The following FRMD5 variants were observed in gnomAD, a reference collection of about 807,000 sequenced individuals.
FRMD5 encodes FERM domain-containing protein 5.
FRMD5 carries 20 observed loss-of-function variants against 69.0 expected under a neutral mutation model. The ratio of observed to expected loss-of-function variants is 0.29; its 90% CI spans 0.20 to 0.42. FRMD5 has a LOEUF of 0.42. FRMD5 is among the 10% of genes least tolerant of loss of function. The probability of loss-of-function intolerance (pLI) is 1.00; values close to 1 mark genes in which losing one functional copy is unlikely to be tolerated. For synonymous variants in FRMD5, 271 were observed against 260.1 expected (o/e 1.04, Z -0.40); for missense variants, 595 against 708.6 (o/e 0.84, Z 1.82).
chr15:44,057,620 A>T (rs2140367500), intron 1 of FRMD5, among the ~76,000 whole-genome samples: 1 of 152,334 alleles, frequency 6.6e-6, no homozygotes, highest in African/African-American at 2.4e-5. Flanking sequence ...AGCTTCACTT[A>T]ATTTCCAGTC....
chr15:44,055,369 TTTGAG>T (rs1013171193), intron 1 of FRMD5, among the ~76,000 whole-genome samples: 1 of 152,190 alleles, frequency 6.6e-6, no homozygotes, highest in African/African-American at 2.4e-5. Flanking sequence ...TATAACTTGA[TTTGAG>T]TTTAGATAGT....
At chr15:44,171,808 G>A (rs1457786812) in intron 1 of FRMD5, among the ~76,000 whole-genome samples, 1 of 152,180 alleles carries the variant, frequency 6.6e-6, no homozygotes, top group Non-Finnish European at 1.5e-5. Flanking sequence ...CTGTCACTCA[G>A]GCTGGAGCAC....
intron 1 of FRMD5, among the ~76,000 whole-genome samples, chr15:43,966,537 A>G (rs2090297996): frequency 6.6e-6 from 1 of 152,194 alleles, no homozygotes; most frequent in African/African-American, 2.4e-5. Context: ...AAGAAAAGGG[A>G]GAGATTACAT....
At chr15:44,104,882 C>T (rs139538770) in intron 1 of FRMD5, among the ~76,000 whole-genome samples, 84 of 152,110 alleles carry the variant, frequency 5.5e-4, no homozygotes, top group African/African-American at 1.6e-3. Flanking sequence ...ATAACGTTTT[C>T]GAGGCTCATC....
intron 1 of FRMD5, chr15:43,988,985 T>C: frequency 4.3e-6 from 3 of 696,076 alleles, no homozygotes; most frequent in Non-Finnish European, 7.9e-6. Flanking sequence ...AACAAAGTCA[T>C]GCCAATCTCA....
At chr15:43,934,972 G>A (rs891917530) in intron 1 of FRMD5, among the ~76,000 whole-genome samples, 1 of 152,198 alleles carries the variant, frequency 6.6e-6, no homozygotes, top group African/African-American at 2.4e-5. Context: ...GAAGGGATAG[G>A]AACTGACAGA....
At chr15:44,149,894 G>A (rs2077416012) in intron 1 of FRMD5, among the ~76,000 whole-genome samples, 1 of 152,064 alleles carries the variant, frequency 6.6e-6, no homozygotes, top group African/African-American at 2.4e-5. Flanking sequence ...ATGCAAAATT[G>A]ATGCAAAAAT....
intron 11 of FRMD5, 27 bp downstream of exon 11, chr15:43,885,654 T>C (rs1219926558): frequency 8.3e-6 from 13 of 1,570,534 alleles, no homozygotes; most frequent in African/African-American, 1.4e-5. Context: ...AATAGATCCA[T>C]AATGGTTACT....
chr15:44,145,559 AAC>A (rs2077343514), intron 1 of FRMD5, among the ~76,000 whole-genome samples: 1 of 152,216 alleles, frequency 6.6e-6, no homozygotes, highest in African/African-American at 2.4e-5. Flanking sequence ...TACATTTCAA[AAC>A]ACAAAATTTG....
At position 44,174,617 on chromosome 15, in the gene FRMD5, A is replaced by G. The variant is rs1206453989; in HGVS notation, c.102+20336T>C. ...AAAAATGACTTAGTTTCCATATACT[A>G]CTTTTCAATGTAAAAGAAAATTTTT... On this transcript the variant is annotated intron_variant, in intron 1 of 13. Coordinates refer to ENST00000417257, the MANE Select transcript of FRMD5 (RefSeq NM_032892.5). 3.3e-5 allele frequency among the ~76,000 whole-genome samples: 5 copies of G among 152,216 alleles called. No homozygotes were observed. In the East Asian group the frequency reaches 9.6e-4, roughly 29 times the overall value.
chr15:44,100,073 T>G (rs1043564190), intron 1 of FRMD5, among the ~76,000 whole-genome samples: 2 of 145,078 alleles, frequency 1.4e-5, no homozygotes, highest in South Asian at 4.4e-4. Flanking sequence ...TTTTTTAAGA[T>G]GGAGTTTCGG....
intron 1 of FRMD5, among the ~76,000 whole-genome samples, chr15:44,152,601 C>A (rs952031974): frequency 6.6e-6 from 1 of 152,206 alleles, no homozygotes; most frequent in African/African-American, 2.4e-5. Flanking sequence ...AGCTAAGTTG[C>A]TCTAATCTCT....
At chr15:44,026,550 G>C (rs908507076) in intron 1 of FRMD5, among the ~76,000 whole-genome samples, 5 of 152,016 alleles carry the variant, frequency 3.3e-5, no homozygotes, top group Non-Finnish European at 7.4e-5. Context: ...ATTTACTCAA[G>C]AGAACTGAAC....
chr15:43,883,755 C>G lies in FRMD5; in HGVS notation c.1083G>C (p.Leu361=). The stretch of plus-strand genomic sequence containing the variant: ...TTCTGCGGGTCCTGGGGACGCTGCT[C>G]AGCCTTGGGCCATGGGTTATGGAGG... ...SCPSITHGPR[L]SSVPRTRRRA... The change falls in exon 13 of 14, where the codon CTG becomes CTC. Residue 361 remains leucine (L), a synonymous_variant. Coordinates refer to ENST00000417257, the MANE Select transcript of FRMD5 (RefSeq NM_032892.5). 1.2e-6 allele frequency: 2 copies of G among 1,613,950 alleles called. No homozygotes were observed. Among genetic ancestry groups the G allele is most frequent in the Non-Finnish European group, 8.5e-7 (1 of 1,179,916 alleles).
intron 1 of FRMD5, among the ~76,000 whole-genome samples, chr15:44,048,953 C>T (rs964772308): frequency 5.9e-5 from 9 of 152,176 alleles, no homozygotes; most frequent in African/African-American, 2.2e-4. Context: ...CCACTTTGTA[C>T]TTCTTGGCGG....
intron 1 of FRMD5, among the ~76,000 whole-genome samples, chr15:44,040,843 A>T (rs1892153573): frequency 6.6e-6 from 1 of 152,056 alleles, no homozygotes; most frequent in African/African-American, 2.4e-5. Context: ...AATGGGCTAA[A>T]TGCCCCAATT....
intron 1 of FRMD5, among the ~76,000 whole-genome samples, chr15:43,974,832 T>G (rs1289932410): frequency 1.3e-5 from 2 of 152,216 alleles, no homozygotes; most frequent in Non-Finnish European, 2.9e-5. Context: ...AACAAAAATT[T>G]TTCAAGAATT....
intron 1 of FRMD5, among the ~76,000 whole-genome samples, chr15:43,944,802 T>C (rs1470199619): frequency 6.6e-6 from 1 of 152,132 alleles, no homozygotes; most frequent in Non-Finnish European, 1.5e-5. Flanking sequence ...AGTCAGATAT[T>C]TGGGCAGGAT....
Position 43,873,188 on chromosome 15 carries a change from T to C in FRMD5, c.*697A>G, listed in dbSNP as rs1180466168. 5 of 1,550,416 alleles carry C rather than the reference T, an allele frequency of 3.2e-6. No homozygotes were observed. Among genetic ancestry groups the C allele is most frequent in the Non-Finnish European group, 4.4e-6 (5 of 1,146,952 alleles). On this transcript the variant is annotated 3_prime_UTR_variant, in exon 14 of 14. Coordinates refer to ENST00000417257, the MANE Select transcript of FRMD5 (RefSeq NM_032892.5). ...AGACTTACCCCACCCCTGATGCTGC[T>C]GTTGCTGTAGCGGTGGTCCCTTCAG...
Sources: gnomAD v4.1 joint callset for allele counts (sites outside exome capture counted in the v4.1 genomes callset) on GRCh38, gnomAD v4.1.1 for gene constraint, MANE v1.5 for transcripts, NCBI Gene and HGNC (gene_info 2026-07-23, HGNC 2026-07-21) for gene names.